NBAS: variants seen among roughly 807,000 people sequenced by gnomAD.
The protein encoded by NBAS is NAG/BC035112 fusion.
In NBAS, 219 loss-of-function variants were observed where a neutral mutation model predicts 302.5. The ratio of observed to expected loss-of-function variants is 0.72; its 90% CI spans 0.65 to 0.81. NBAS has a LOEUF of 0.81. Ranked by LOEUF, NBAS falls within the 30% of genes least tolerant of loss-of-function variation. The pLI, the probability that NBAS is intolerant of heterozygous loss-of-function variation, is 0.00. For missense variants in NBAS, 2,932 were observed against 2,841.6 expected (o/e 1.03, Z -0.72); for synonymous variants, 1,118 against 1,021.6 (o/e 1.09, Z -1.80).
In NBAS at chr2:15,558,764, T is replaced by C. The variant is rs554365215; in HGVS notation, c.118-130A>G. ...GTTTTGGGCACAGGGAAGCAGTGTC[T>C]TAAAACTACTTAAAGACTGGATGTT... On this transcript the variant is annotated intron_variant, in intron 1 of 51. Coordinates refer to ENST00000281513, the MANE Select transcript of NBAS (RefSeq NM_015909.4). The C allele has an allele frequency of 6.9e-6, 5 of 722,248 alleles. No homozygotes were observed. The African/African-American group carries it at 7.0e-5, about 10-fold the overall frequency. The allele number at this position is 722,248 out of a possible 1,614,324, so 44.7% of individuals were successfully genotyped here. A position where few individuals can be genotyped will look rare whatever the true frequency, so the allele number is the denominator to read the frequency against.
At chr2:14,804,022 A>C in the NBAS span, among the ~76,000 whole-genome samples, 656 of 152,348 alleles carry the variant, frequency 4.3e-3, 6 homozygotes, top group African/African-American at 0.015. Flanking sequence ...ATCAAAGTAC[A>C]CAAATTTTAA....
intron 21 of NBAS, among the ~76,000 whole-genome samples, chr2:15,451,123 C>T (rs1450930236): frequency 6.6e-6 from 1 of 152,184 alleles, no homozygotes; most frequent in Admixed American, 6.5e-5. Flanking sequence ...GCGGTCACAG[C>T]TGACTGTAAC....
chr2:14,928,030 C>T, the NBAS span, among the ~76,000 whole-genome samples: 1 of 152,168 alleles, frequency 6.6e-6, no homozygotes, highest in African/African-American at 2.4e-5. Flanking sequence ...CTGCTTTCCA[C>T]TTTATTTATT....
rs751468021 is a variant in NBAS at position 15,292,803 on chromosome 2, A to G, written c.4798-37T>C. ...ATGGAAAAGAAGACATTTTACCAAC[A>G]TCATACAAACACGAGCAAGTGAGTA... On this transcript the variant is annotated intron_variant, in intron 40 of 51. Transcript: ENST00000281513. The G allele has an allele frequency of 1.7e-5, 27 of 1,591,456 alleles. No homozygotes were observed. The South Asian group carries it at 3.0e-4, about 18-fold the overall frequency.
chr2:15,249,006 A>G (rs1668234229), intron 44 of NBAS, among the ~76,000 whole-genome samples: 1 of 151,954 alleles, frequency 6.6e-6, no homozygotes, highest in South Asian at 2.1e-4. Context: ...CACAACAACA[A>G]CAACAAAAAG....
chr2:15,519,535 T>A (rs1217111803), intron 9 of NBAS, among the ~76,000 whole-genome samples: 1 of 152,174 alleles, frequency 6.6e-6, no homozygotes, highest in Non-Finnish European at 1.5e-5. Flanking sequence ...CCTCCCAGGT[T>A]CCAGTGATCT....
intron 9 of NBAS, among the ~76,000 whole-genome samples, chr2:15,522,888 C>T (rs1360720739): frequency 6.6e-6 from 1 of 152,126 alleles, no homozygotes; most frequent in African/African-American, 2.4e-5. Context: ...TATATTCTTA[C>T]AGTAAAGTAA....
At chr2:15,147,931 A>G in the NBAS span, among the ~76,000 whole-genome samples, 1 of 152,162 alleles carries the variant, frequency 6.6e-6, no homozygotes, top group Non-Finnish European at 1.5e-5. Context: ...GATAGGCTAA[A>G]TGTGTTTCAG....
chr2:14,806,108 T>C, the NBAS span, among the ~76,000 whole-genome samples: 120 of 152,262 alleles, frequency 7.9e-4, no homozygotes, highest in Middle Eastern at 3.4e-3. Context: ...AAAACACATA[T>C]GGGTTTCCCC....
At chr2:15,206,653 G>A (rs1666159406) in intron 48 of NBAS, among the ~76,000 whole-genome samples, 2 of 152,308 alleles carry the variant, frequency 1.3e-5, no homozygotes, top group Admixed American at 6.5e-5. Context: ...CTTGGACATG[G>A]TGCCCTGCAT....
At chr2:14,827,012 C>A in the NBAS span, among the ~76,000 whole-genome samples, 1 of 152,180 alleles carries the variant, frequency 6.6e-6, no homozygotes, top group African/African-American at 2.4e-5. Context: ...GGTCACATTG[C>A]ACCCAGAAGC....
At chr2:14,910,978 C>T in the NBAS span, among the ~76,000 whole-genome samples, 1 of 152,146 alleles carries the variant, frequency 6.6e-6, no homozygotes, top group Non-Finnish European at 1.5e-5. Context: ...AGTGAATTAC[C>T]CAGAATGACT....
chr2:15,204,053 G>A (rs1272349098), intron 48 of NBAS, among the ~76,000 whole-genome samples: 1 of 152,182 alleles, frequency 6.6e-6, no homozygotes, highest in Middle Eastern at 3.4e-3. Context: ...CTTGAACCCA[G>A]GAGTTTGAGT....
chr2:15,103,030 AAGAGGGTCGGAGGGAG>A, the NBAS span, among the ~76,000 whole-genome samples: 35 of 100,432 alleles, frequency 3.5e-4, no homozygotes, highest in South Asian at 1.3e-3. Flanking sequence ...GAAGGAAGGA[AAGAGGGTCGGAGGGAG>A]GGAGGGAGGG....
chr2:15,454,472 T>C (rs1679158679), intron 21 of NBAS, among the ~76,000 whole-genome samples: 1 of 152,190 alleles, frequency 6.6e-6, no homozygotes, highest in African/African-American at 2.4e-5. Context: ...AGTTCTGCTA[T>C]AATATTTTAA....
intron 16 of NBAS, among the ~76,000 whole-genome samples, chr2:15,472,585 C>A (rs573307559): frequency 1.3e-5 from 2 of 152,154 alleles, no homozygotes; most frequent in African/African-American, 4.8e-5. Context: ...ACTGGCCCCC[C>A]CCAGAAGCAG....
chr2:15,000,175 T>C, the NBAS span, among the ~76,000 whole-genome samples: 1 of 152,200 alleles, frequency 6.6e-6, no homozygotes, highest in Non-Finnish European at 1.5e-5. Flanking sequence ...GTAGGCACCA[T>C]GCTGGCTTAA....
intron 48 of NBAS, among the ~76,000 whole-genome samples, chr2:15,207,194 T>C (rs1377927004): frequency 6.6e-6 from 1 of 151,954 alleles, no homozygotes; most frequent in East Asian, 1.9e-4. Flanking sequence ...AGACATGGAG[T>C]CAAAGAAGAT....
the NBAS span, among the ~76,000 whole-genome samples, chr2:15,153,189 C>T: frequency 2.6e-5 from 4 of 152,194 alleles, no homozygotes; most frequent in Admixed American, 2.6e-4. Flanking sequence ...CAAAAATCTA[C>T]CCATGATGAT....
Sources: allele counts gnomAD v4.1 joint callset (sites outside exome capture counted in the v4.1 genomes callset), GRCh38; gene constraint gnomAD v4.1.1; transcripts MANE v1.5; gene names NCBI Gene and HGNC (gene_info 2026-07-23, HGNC 2026-07-21).